The following COPB2 variants were observed in gnomAD, a reference collection of about 807,000 sequenced individuals.
COPB2 encodes the protein coatomer subunit beta'.
Under a neutral mutation model 120.8 loss-of-function variants are expected in COPB2, and 16 were observed. The observed-to-expected ratio is 0.13, with a 90% CI of 0.09 to 0.20. The LOEUF (loss-of-function observed/expected upper bound fraction) is 0.20. Ranked by LOEUF, COPB2 falls within the 10% of genes least tolerant of loss-of-function variation. The pLI is 1.00. For missense variants in COPB2, 794 were observed against 1,076.5 expected (o/e 0.74, Z 3.67); for synonymous variants, 332 against 366.3 (o/e 0.91, Z 1.07).
intron 15 of COPB2, 106 bp downstream of exon 15, chr3:139,366,462 C>T: frequency 9.9e-7 from 1 of 1,009,636 alleles, no homozygotes; most frequent in East Asian, 2.6e-5. Flanking sequence ...TCTATTGCCA[C>T]AGGAAATCAG....
chr3:139,358,000 G>A, intron 21 of COPB2, 42 bp from the exon 22 acceptor site: 1 of 1,248,898 alleles, frequency 8.0e-7, no homozygotes, highest in South Asian at 1.4e-5. Context: ...TTACAGTACT[G>A]TTAAAGGAAA....
intron 20 of COPB2, 77 bp downstream of exon 20, chr3:139,358,667 C>T (rs756742351): frequency 3.7e-5 from 39 of 1,049,328 alleles, no homozygotes; most frequent in African/African-American, 6.4e-5. Flanking sequence ...GGCAATGGAG[C>T]GAAACTCTGT....
chr3:139,386,961 A>G (rs369671531), intron 1 of COPB2, among the ~76,000 whole-genome samples: 76 of 151,562 alleles, frequency 5.0e-4, no homozygotes, highest in African/African-American at 1.8e-3. Context: ...TACTTTGGGA[A>G]GCTGAGGCGG....
At chr3:139,383,467 T>G in intron 1 of COPB2, 32 bp from the exon 2 acceptor site, 1 of 1,495,230 alleles carries the variant, frequency 6.7e-7, no homozygotes, top group Non-Finnish European at 8.9e-7. Context: ...ATTAAATTGC[T>G]AAGCCAAATA....
At chr3:139,362,836 A>C (rs1941449650) in intron 15 of COPB2, among the ~76,000 whole-genome samples, 2 of 152,258 alleles carry the variant, frequency 1.3e-5, no homozygotes, top group South Asian at 4.1e-4. Context: ...GATATGTCAA[A>C]AAGAAAGGAA....
Position 139,361,239 on chromosome 3 carries a change from G to C in COPB2, c.2052C>G (p.Gly684=). 1.2e-6 allele frequency: 2 copies of C among 1,614,188 alleles called. No individual in the cohort carries two copies. The highest frequency in any genetic ancestry group is 1.7e-6 in the Non-Finnish European group (2 of 1,180,034). ...CATGATGCAGGCACTCCTGGGCTAG[G>C]CCAAACTGACATTTACTAATGGCAA... is the stretch of plus-strand genomic sequence containing the variant. ...AELAISKCQF[G]LAQECLHHAQ... Residue 684 remains glycine (G), a synonymous_variant, in exon 17 of 22, where the codon GGC becomes GGG. Coordinates refer to ENST00000333188, the MANE Select transcript of COPB2 (RefSeq NM_004766.3).
In COPB2 at chr3:139,369,537, T is replaced by C. The variant is rs1941584654; in HGVS notation, c.1213A>G (p.Ile405Val). 1.0e-5 allele frequency: 16 copies of C among 1,601,826 alleles called. No individual in the cohort carries two copies. Among genetic ancestry groups the C allele is most frequent in the Non-Finnish European group, 1.3e-5 (15 of 1,173,356 alleles). ...TTTACAATGCTGTTGCTCTCTCTTA[T>C]TGCATACCTGGGAGAAAAAAGGGAA... ...AWAHDSSEYA[I>V]RESNSIVKIF... Residue 405 changes from isoleucine (I) to valine (V), a missense_variant, in exon 11 of 22, where the codon ATA becomes GTA. By Grantham distance (29) the Ile-to-Val change is conservative. This residue lies in a region of COPB2 where 610 missense variants were observed against 866.7 expected (regional missense o/e 0.70). Coordinates refer to ENST00000333188, the MANE Select transcript of COPB2 (RefSeq NM_004766.3).
At chr3:139,379,697 T>C in intron 2 of COPB2, 1 of 473,902 alleles carries the variant, frequency 2.1e-6, no homozygotes, top group Non-Finnish European at 3.7e-6. Flanking sequence ...ATCCACAAGA[T>C]GGTATTCCAG....
intron 5 of COPB2, 74 bp downstream of exon 5, chr3:139,377,967 A>C: frequency 7.5e-7 from 1 of 1,338,336 alleles, no homozygotes; most frequent in South Asian, 2.3e-5. Context: ...ATTTCTGACC[A>C]GTCAACAGTA....
chr3:139,384,026 G>T (rs767328069), intron 1 of COPB2, among the ~76,000 whole-genome samples: 2 of 152,120 alleles, frequency 1.3e-5, no homozygotes, highest in Non-Finnish European at 2.9e-5. Flanking sequence ...ATAATGCCTG[G>T]TCTCACAGAT....
At chr3:139,373,186 T>C (rs748591603) in intron 9 of COPB2, 27 bp downstream of exon 9, 8 of 1,610,656 alleles carry the variant, frequency 5.0e-6, no homozygotes, top group Non-Finnish European at 5.9e-6. Context: ...ACACAGAAGC[T>C]GAGGGACAAT....
intron 16 of COPB2, 62 bp from the exon 17 acceptor site, chr3:139,361,357 T>C (rs1181215938): frequency 1.2e-5 from 18 of 1,495,732 alleles, no homozygotes; most frequent in Non-Finnish European, 1.7e-5. Context: ...ATTTCCAACA[T>C]TATTCTGTTA....
chr3:139,378,292 C>T, intron 4 of COPB2, 103 bp from the exon 5 acceptor site: 1 of 1,071,536 alleles, frequency 9.3e-7, no homozygotes, highest in Non-Finnish European at 1.3e-6. Context: ...ACCATATAAT[C>T]CATGACTTAC....
At chr3:139,384,355 C>T (rs549580679) in intron 1 of COPB2, among the ~76,000 whole-genome samples, 3 of 152,324 alleles carry the variant, frequency 2.0e-5, no homozygotes, top group African/African-American at 7.2e-5. Context: ...AATTTCACCA[C>T]CTACTTCAAC....
chr3:139,358,404 C>T (rs1466867815), intron 20 of COPB2, 133 bp from the exon 21 acceptor site: 3 of 768,486 alleles, frequency 3.9e-6, no homozygotes, highest in African/African-American at 3.5e-5. Context: ...CTCAGCCAGG[C>T]ACAGTGGCTC....
At chr3:139,386,388 G>C (rs2107811915) in intron 1 of COPB2, among the ~76,000 whole-genome samples, 1 of 152,026 alleles carries the variant, frequency 6.6e-6, no homozygotes, top group South Asian at 2.1e-4. Flanking sequence ...CGAGTAGCTG[G>C]GGACTACAGG....
chr3:139,367,207 C>A (rs1374515055), intron 13 of COPB2, 62 bp from the exon 14 acceptor site: 1 of 1,553,500 alleles, frequency 6.4e-7, no homozygotes, highest in African/African-American at 1.4e-5. Flanking sequence ...CAATAAAAAG[C>A]TGAATATATC....
intron 15 of COPB2, among the ~76,000 whole-genome samples, 175 bp from the exon 16 acceptor site, chr3:139,362,692 T>G (rs1941447064): frequency 6.6e-6 from 1 of 152,088 alleles, no homozygotes. Context: ...TAAGGAGTCA[T>G]TAAAGGAAGT....
intron 18 of COPB2, 39 bp downstream of exon 18, chr3:139,359,231 T>C: frequency 6.2e-7 from 1 of 1,611,590 alleles, no homozygotes; most frequent in Non-Finnish European, 8.5e-7. Flanking sequence ...TGCTCTCTTT[T>C]TATTGGAAAC....
Sources: allele counts gnomAD v4.1 joint callset (sites outside exome capture counted in the v4.1 genomes callset), GRCh38; gene constraint gnomAD v4.1.1; regional missense constraint gnomAD v4.1.1; transcripts MANE v1.5; gene names NCBI Gene and HGNC (gene_info 2026-07-23, HGNC 2026-07-21).